The following LINGO2 variants were observed in gnomAD, a reference collection of about 807,000 sequenced individuals.
LINGO2 encodes the protein leucine rich repeat and Ig domain containing 2.
Under a neutral mutation model 30.6 loss-of-function variants are expected in LINGO2, and 14 were observed. The observed-to-expected ratio is 0.46, with a 90% confidence interval of 0.30 to 0.72. The LOEUF is 0.72. Ranked by LOEUF, LINGO2 falls within the 30% of genes least tolerant of loss-of-function variation. The pLI is 0.07. For synonymous variants in LINGO2, 317 were observed against 288.5 expected (o/e 1.10, Z -1.00); for missense variants, 729 against 751.7 (o/e 0.97, Z 0.35).
the LINGO2 span, among the ~76,000 whole-genome samples, chr9:29,193,610 T>G: frequency 5.9e-5 from 9 of 152,220 alleles, no homozygotes; most frequent in Non-Finnish European, 7.3e-5. Flanking sequence ...CTAGTCATGT[T>G]TGTCTCAGGC....
chr9:28,008,604 A>G (rs1185392740), intron 5 of LINGO2, among the ~76,000 whole-genome samples: 2 of 152,138 alleles, frequency 1.3e-5, no homozygotes, highest in Admixed American at 1.3e-4. Flanking sequence ...AGATTTCAGA[A>G]TACAAGATCA....
chr9:28,291,757 G>A (rs917938736), intron 4 of LINGO2, among the ~76,000 whole-genome samples: 13 of 152,192 alleles, frequency 8.5e-5, no homozygotes, highest in African/African-American at 2.9e-4. Flanking sequence ...GATGCAGAGA[G>A]AGAGAATGTG....
the LINGO2 span, among the ~76,000 whole-genome samples, chr9:29,049,198 A>G: frequency 1.3e-5 from 2 of 152,346 alleles, no homozygotes; most frequent in African/African-American, 4.8e-5. Flanking sequence ...ACAAATGACA[A>G]ACAGGCAGAT....
chr9:29,013,650 G>A, the LINGO2 span, among the ~76,000 whole-genome samples: 1 of 151,988 alleles, frequency 6.6e-6, no homozygotes, highest in African/African-American at 2.4e-5. Flanking sequence ...TCTAGTAGTT[G>A]ACACAATGAA....
At chr9:28,359,295 T>G (rs998334111) in intron 3 of LINGO2, among the ~76,000 whole-genome samples, 2 of 152,266 alleles carry the variant, frequency 1.3e-5, no homozygotes, top group African/African-American at 2.4e-5. Context: ...AGACAGTGAA[T>G]AGAATCTGGG....
the LINGO2 span, among the ~76,000 whole-genome samples, chr9:29,026,178 G>A: frequency 1.3e-5 from 2 of 151,816 alleles, no homozygotes; most frequent in African/African-American, 2.4e-5. Flanking sequence ...GACTACAGGC[G>A]CACACCACCA....
chr9:28,617,335 G>T (rs1399373062), intron 1 of LINGO2, among the ~76,000 whole-genome samples: 3 of 146,218 alleles, frequency 2.1e-5, no homozygotes, highest in East Asian at 2.0e-4. Flanking sequence ...TCGCTCTGTC[G>T]CCCAGGCTGG....
intron 3 of LINGO2, among the ~76,000 whole-genome samples, chr9:28,345,046 AGT>A (rs773482431): frequency 4.6e-5 from 7 of 151,948 alleles, no homozygotes; most frequent in Non-Finnish European, 1.0e-4. Flanking sequence ...TCCCTTTGAT[AGT>A]GTCTTATCTT....
At chr9:28,366,798 AAT>A (rs1248523469) in intron 3 of LINGO2, among the ~76,000 whole-genome samples, 1 of 152,150 alleles carries the variant, frequency 6.6e-6, no homozygotes, top group Non-Finnish European at 1.5e-5. Flanking sequence ...AATACAGATT[AAT>A]ATTTTAAAAA....
intron 4 of LINGO2, among the ~76,000 whole-genome samples, chr9:28,149,510 TCA>T (rs1827925526): frequency 7.7e-6 from 1 of 129,700 alleles, no homozygotes; most frequent in South Asian, 2.6e-4. Flanking sequence ...CCCAGCCGCC[TCA>T]CAGTCTGGGA....
chr9:28,173,329 T>G (rs1462353414), intron 4 of LINGO2, among the ~76,000 whole-genome samples: 2 of 152,224 alleles, frequency 1.3e-5, no homozygotes, highest in Non-Finnish European at 2.9e-5. Flanking sequence ...TATTTATATC[T>G]GCTGTTTTCT....
chr9:28,719,828 G>A, the LINGO2 span, among the ~76,000 whole-genome samples: 5 of 151,908 alleles, frequency 3.3e-5, no homozygotes, highest in African/African-American at 9.7e-5. Context: ...GTTATAAAAT[G>A]AACTGCCATT....
At position 28,337,642 on chromosome 9, in the gene LINGO2, T is replaced by C. The variant is rs7875925; in HGVS notation, c.-246+35194A>G. Among the ~76,000 whole-genome samples the C allele has an allele frequency of 7.5e-3, 1,143 of 152,244 alleles. 13 individuals are homozygous for C. The highest frequency in any genetic ancestry group is 0.025 in the African/African-American group (1,049 of 41,550). ...CATTGCTCTGTGCAGCCTTGGGACA[T>C]GGTTCCCTGAGTCCCAGCTACTTCA... On this transcript the variant is annotated intron_variant, in intron 3 of 5. Coordinates refer to ENST00000379992, the Ensembl canonical transcript of LINGO2.
intron 1 of LINGO2, among the ~76,000 whole-genome samples, chr9:28,504,538 G>C (rs1820024646): frequency 6.6e-6 from 1 of 151,610 alleles, no homozygotes; most frequent in Non-Finnish European, 1.5e-5. Flanking sequence ...TAACATGATT[G>C]TTTAAAATGT....
chr9:28,319,122 G>T (rs1018762448), intron 3 of LINGO2, among the ~76,000 whole-genome samples: 7 of 132,374 alleles, frequency 5.3e-5, no homozygotes, highest in African/African-American at 1.7e-4. Context: ...AGACAGAAGA[G>T]AAATAAACAT....
intron 1 of LINGO2, among the ~76,000 whole-genome samples, chr9:28,637,066 T>G (rs933359192): frequency 6.6e-6 from 1 of 152,198 alleles, no homozygotes; most frequent in Non-Finnish European, 1.5e-5. Flanking sequence ...CAGCACCATT[T>G]ATTAAATAGG....
Position 28,380,751 on chromosome 9 carries a change from C to T in LINGO2, c.-278-7883G>A, listed in dbSNP as rs185343944. ...AGTTCAGGAAAGATCATTTTGACAG[C>T]GATATGTAGGATAGATTGCAGATGG... On this transcript the variant is annotated intron_variant, in intron 2 of 5. Coordinates refer to ENST00000379992, the Ensembl canonical transcript of LINGO2. Among the ~76,000 whole-genome samples the T allele has an allele frequency of 2.4e-3, 358 of 151,932 alleles. 1 individual carries two copies. The highest frequency in any genetic ancestry group is 4.3e-3 in the Non-Finnish European group (291 of 67,924).
At chr9:28,850,520 T>C in the LINGO2 span, among the ~76,000 whole-genome samples, 1 of 151,956 alleles carries the variant, frequency 6.6e-6, no homozygotes, top group Non-Finnish European at 1.5e-5. Flanking sequence ...CCATGAACTA[T>C]GGACAAAAAA....
chr9:29,045,572 C>T, the LINGO2 span, among the ~76,000 whole-genome samples: 1 of 148,892 alleles, frequency 6.7e-6, no homozygotes, highest in Non-Finnish European at 1.5e-5. Context: ...GATCCAACAT[C>T]CCTTCATGAT....
Sources: allele counts gnomAD v4.1 joint callset (sites outside exome capture counted in the v4.1 genomes callset), GRCh38; gene constraint gnomAD v4.1.1; transcripts MANE v1.5; gene names NCBI Gene and HGNC (gene_info 2026-07-23, HGNC 2026-07-21).